Variants in AP3S1 observed in about 807,000 individuals in gnomAD.
The protein encoded by AP3S1 is adaptor related protein complex 3 subunit sigma 1, also known as AP-3 complex subunit sigma-1.
In AP3S1, 12 loss-of-function variants were observed where a neutral mutation model predicts 21.3. The observed-to-expected ratio is 0.56, with a 90% CI of 0.36 to 0.91. AP3S1 has a LOEUF of 0.91. Ranked by LOEUF, AP3S1 falls within the 40% of genes least tolerant of loss-of-function variation. AP3S1 has a pLI of 0.01. For synonymous variants in AP3S1, 48 were observed against 78.4 expected, an observed-to-expected ratio of 0.61 and a Z score of 2.05; for missense variants, 116 against 225.0, an observed-to-expected ratio of 0.52 and a Z score of 3.10.
At chr5:115,899,333 T>C (rs1006607857) in intron 4 of AP3S1, among the ~76,000 whole-genome samples, 1 of 152,122 alleles carries the variant, frequency 6.6e-6, no homozygotes, top group Admixed American at 6.5e-5. Context: ...AGTAAGCCAA[T>C]AGAAAGAAAG....
chr5:115,851,577 G>T (rs1762441575), intron 1 of AP3S1, among the ~76,000 whole-genome samples: 1 of 152,108 alleles, frequency 6.6e-6, no homozygotes, highest in African/African-American at 2.4e-5. Context: ...TAGTGCTGTT[G>T]TGGGTCTGTT....
intron 3 of AP3S1, among the ~76,000 whole-genome samples, chr5:115,890,777 T>C (rs886846929): frequency 6.7e-6 from 1 of 149,434 alleles, no homozygotes; most frequent in Non-Finnish European, 1.5e-5. Flanking sequence ...TCAATGGAAA[T>C]GTCACCAGTA....
intron 3 of AP3S1, among the ~76,000 whole-genome samples, chr5:115,892,103 C>T (rs1161072139): frequency 1.3e-5 from 2 of 152,190 alleles, no homozygotes; most frequent in Non-Finnish European, 2.9e-5. Flanking sequence ...TAAATCAAAA[C>T]TGCAGTGAGA....
chr5:115,900,798 A>G (rs1300664749), intron 4 of AP3S1, among the ~76,000 whole-genome samples: 1 of 152,184 alleles, frequency 6.6e-6, no homozygotes, highest in African/African-American at 2.4e-5. Context: ...TGAGCTGGGA[A>G]ATAGATGTAT....
intron 3 of AP3S1, among the ~76,000 whole-genome samples, chr5:115,891,175 C>G (rs1283853026): frequency 6.6e-6 from 1 of 152,074 alleles, no homozygotes; most frequent in Non-Finnish European, 1.5e-5. Context: ...TAATTTTTTA[C>G]CTACCAAAAA....
intron 4 of AP3S1, 82 bp downstream of exon 4, chr5:115,895,240 T>A (rs1750654489): frequency 1.1e-6 from 1 of 910,468 alleles, no homozygotes. Flanking sequence ...CTTTAATGAA[T>A]AATTCTATTT....
chr5:115,897,763 G>T (rs915691150), intron 4 of AP3S1, among the ~76,000 whole-genome samples: 4 of 151,668 alleles, frequency 2.6e-5, no homozygotes, highest in Admixed American at 2.6e-4. Flanking sequence ...GGTATTTCAC[G>T]GTGTTAGCCA....
At chr5:115,876,086 A>G (rs372307863) in intron 3 of AP3S1, among the ~76,000 whole-genome samples, 213 of 152,244 alleles carry the variant, frequency 1.4e-3, no homozygotes, top group African/African-American at 4.7e-3. Flanking sequence ...GTCAGGTAGT[A>G]TGGATTTGAA....
chr5:115,897,439 G>C (rs1388906415), intron 4 of AP3S1, among the ~76,000 whole-genome samples: 1 of 151,986 alleles, frequency 6.6e-6, no homozygotes, highest in African/African-American at 2.4e-5. Context: ...TGCTAACTTT[G>C]CTTTCAGCCC....
intron 1 of AP3S1, among the ~76,000 whole-genome samples, chr5:115,846,148 G>A (rs554836200): frequency 1.5e-4 from 23 of 152,150 alleles, no homozygotes; most frequent in African/African-American, 5.3e-4. Context: ...ATTCCATAGT[G>A]TATCCTCTGG....
chr5:115,911,827 G>A (rs1424040500), intron 5 of AP3S1, among the ~76,000 whole-genome samples: 1 of 151,876 alleles, frequency 6.6e-6, no homozygotes, highest in Non-Finnish European at 1.5e-5. Context: ...ATTGCTTCAG[G>A]TAGGTATAAG....
In AP3S1 at chr5:115,906,141, G is replaced by C. The variant is rs558307960; in HGVS notation, c.453+3149G>C. Among the ~76,000 whole-genome samples the C allele has an allele frequency of 2.0e-5, 3 of 152,336 alleles. No individual in the cohort carries two copies. The South Asian group carries it at 6.2e-4, about 32-fold the overall frequency. On this transcript the variant is annotated intron_variant, in intron 5 of 5. Transcript: ENST00000316788. ...CCACTGCACTCCAGCCTGCGTGACA[G>C]AGTAAGACTCCGTCTCAAAAACAAA...
intron 5 of AP3S1, among the ~76,000 whole-genome samples, chr5:115,904,665 A>G (rs1751490558): frequency 6.6e-6 from 1 of 152,228 alleles, no homozygotes; most frequent in South Asian, 2.1e-4. Context: ...GTTTTAGGAC[A>G]AGGAAAAAGA....
At chr5:115,885,045 C>G (rs985339321) in intron 3 of AP3S1, among the ~76,000 whole-genome samples, 4 of 152,218 alleles carry the variant, frequency 2.6e-5, no homozygotes, top group African/African-American at 9.7e-5. Flanking sequence ...GAAGTCTGCA[C>G]TAACATGACG....
chr5:115,892,721 A>G (rs1453381122), intron 3 of AP3S1, among the ~76,000 whole-genome samples: 1 of 152,232 alleles, frequency 6.6e-6, no homozygotes, highest in Non-Finnish European at 1.5e-5. Flanking sequence ...GATAAAAAAA[A>G]TAGAATGAAT....
chr5:115,900,721 A>G (rs927462707), intron 4 of AP3S1, among the ~76,000 whole-genome samples: 5 of 152,208 alleles, frequency 3.3e-5, no homozygotes, highest in Non-Finnish European at 5.9e-5. Context: ...ATGTTTAGAA[A>G]TGACGATTTG....
intron 3 of AP3S1, among the ~76,000 whole-genome samples, chr5:115,883,667 C>T (rs1288886129): frequency 6.6e-6 from 1 of 152,214 alleles, no homozygotes; most frequent in African/African-American, 2.4e-5. Flanking sequence ...TGCCATCCAC[C>T]TCCTTTGTAA....
intron 5 of AP3S1, chr5:115,912,108 T>C (rs1217994842): frequency 6.6e-6 from 1 of 152,068 alleles, no homozygotes; most frequent in African/African-American, 2.4e-5. Flanking sequence ...TACACTGGCC[T>C]ATTTTGTATC....
At chr5:115,879,227 A>G (rs1404508568) in intron 3 of AP3S1, among the ~76,000 whole-genome samples, 1 of 152,202 alleles carries the variant, frequency 6.6e-6, no homozygotes, top group Admixed American at 6.5e-5. Context: ...AGAACTTCCA[A>G]TACTGTGTTG....
Sources: gnomAD v4.1 joint callset for allele counts (sites outside exome capture counted in the v4.1 genomes callset) on GRCh38, gnomAD v4.1.1 for gene constraint, MANE v1.5 for transcripts, NCBI Gene and HGNC (gene_info 2026-07-23, HGNC 2026-07-21) for gene names.